PRKCB: variants seen among roughly 807,000 people sequenced by gnomAD.
PRKCB encodes protein kinase C beta.
In PRKCB, 13 loss-of-function variants were observed where a neutral mutation model predicts 81.5. The ratio of observed to expected loss-of-function variants is 0.16; its 90% confidence interval spans 0.10 to 0.25. The LOEUF (loss-of-function observed/expected upper bound fraction) is 0.25, where lower values mean the gene tolerates loss of function less well. PRKCB is among the 10% of genes least tolerant of loss of function. PRKCB has a pLI of 1.00. For missense variants in PRKCB, 509 were observed against 875.7 expected, an observed-to-expected ratio of 0.58 and a Z score of 5.29; for synonymous variants, 335 against 321.4, an observed-to-expected ratio of 1.04 and a Z score of -0.45.
intron 2 of PRKCB, among the ~76,000 whole-genome samples, chr16:23,928,722 G>T (rs1390646962): frequency 1.3e-5 from 2 of 151,164 alleles, no homozygotes; most frequent in African/African-American, 4.9e-5. Context: ...TGTTTTGTTT[G>T]TTTTTTTTGT....
intron 10 of PRKCB, among the ~76,000 whole-genome samples, chr16:24,169,426 G>A (rs1187807733): frequency 2.0e-5 from 3 of 152,156 alleles, no homozygotes; most frequent in East Asian, 1.9e-4. Flanking sequence ...GTTAGCCTAC[G>A]TGACCTTACA....
Position 24,096,666 on chromosome 16 carries a change from A to AATATAT in PRKCB, c.821+2404_821+2409dup, listed in dbSNP as rs58341820. Among the ~76,000 whole-genome samples, 183 of 32,384 alleles carry AATATAT rather than the reference A, an allele frequency of 5.7e-3. 1 individual carries two copies. Among genetic ancestry groups the AATATAT allele is most frequent in the East Asian group, 6.9e-3 (6 of 864 alleles). The allele number at this position is 32,384 out of a possible 152,430, so 21.2% of individuals were successfully genotyped here. ...CCTTCCTATGGCAAAAAAAAAAAAA[A>AATATAT]ATATATATATATATATATATATATA... On this transcript the variant is annotated intron_variant, in intron 7 of 16. Transcript: ENST00000643927.
chr16:23,982,501 G>A (rs140933234), intron 2 of PRKCB, among the ~76,000 whole-genome samples: 99 of 151,626 alleles, frequency 6.5e-4, no homozygotes, highest in Admixed American at 1.7e-3. Context: ...GCTCACTACA[G>A]CCTTGATTTC....
chr16:23,855,604 A>C (rs888692849), intron 2 of PRKCB, among the ~76,000 whole-genome samples: 3 of 152,232 alleles, frequency 2.0e-5, no homozygotes, highest in African/African-American at 7.2e-5. Context: ...ATCATTGATA[A>C]ATTGTCTTAA....
At chr16:24,058,801 G>T (rs924992630) in intron 5 of PRKCB, among the ~76,000 whole-genome samples, 1 of 152,174 alleles carries the variant, frequency 6.6e-6, no homozygotes, top group Non-Finnish European at 1.5e-5. Context: ...AGGTGGTAAT[G>T]ACCTGATCTA....
chr16:23,950,850 C>G (rs73540908), intron 2 of PRKCB, among the ~76,000 whole-genome samples: 2,152 of 152,304 alleles, frequency 0.014, 49 homozygotes, highest in African/African-American at 0.049. Context: ...ATAAGCCTTT[C>G]TTTTCTCAGG....
At chr16:24,080,962 A>T (rs987479037) in intron 5 of PRKCB, among the ~76,000 whole-genome samples, 12 of 152,208 alleles carry the variant, frequency 7.9e-5, no homozygotes, top group African/African-American at 2.9e-4. Flanking sequence ...GGCTAGCATT[A>T]CCCTCATACC....
chr16:24,154,253 C>T (rs552794271), intron 9 of PRKCB, among the ~76,000 whole-genome samples: 1 of 152,278 alleles, frequency 6.6e-6, no homozygotes, highest in Admixed American at 6.5e-5. Flanking sequence ...GAAGCCAGGG[C>T]AGGTGGATTG....
chr16:24,089,493 G>T (rs1045614460), intron 5 of PRKCB, among the ~76,000 whole-genome samples: 1 of 152,182 alleles, frequency 6.6e-6, no homozygotes, highest in Non-Finnish European at 1.5e-5. Flanking sequence ...AACAGGCAAG[G>T]CATGGTGGCT....
chr16:23,886,695 G>C (rs1323306133), intron 2 of PRKCB, among the ~76,000 whole-genome samples: 4 of 152,266 alleles, frequency 2.6e-5, no homozygotes, highest in South Asian at 4.1e-4. Context: ...TTACAGGCGT[G>C]AGCCACCGTG....
chr16:24,219,835 A>G lies in PRKCB; in HGVS notation c.*5019A>G. ...AGTGCGTGGAGTGCAGCTGCTAAAA[A>G]TTTTCAGCACAGGGCTCTTTCTGAC... On this transcript the variant is annotated 3_prime_UTR_variant, in exon 17 of 17. Transcript: ENST00000643927. 1 of 1,427,902 alleles carries G rather than the reference A, an allele frequency of 7.0e-7. No individual in the cohort carries two copies. Among genetic ancestry groups the G allele is most frequent in the Non-Finnish European group, 9.2e-7 (1 of 1,089,150 alleles). 88.5% of individuals were successfully genotyped at this position (1,427,902 alleles called of 1,614,324 possible). A position where few individuals can be genotyped will look rare whatever the true frequency, so the allele number is the denominator to read the frequency against.
rs941576024 is a variant in PRKCB at position 23,882,877 on chromosome 16, T to C, written c.205+45471T>C. ...TGCTGAGATTACAGGTGTGAACTAC[T>C]GCACCTGGCTGAGACTCCACTTCCA... is the stretch of plus-strand genomic sequence containing the variant. On this transcript the variant is annotated intron_variant, in intron 2 of 16. Coordinates refer to ENST00000643927, the MANE Select transcript of PRKCB (RefSeq NM_002738.7). 2.6e-5 allele frequency among the ~76,000 whole-genome samples: 4 copies of C among 151,912 alleles called. No homozygotes were observed. In the East Asian group the frequency reaches 7.7e-4, roughly 29 times the overall value.
At chr16:24,072,809 T>G (rs544488078) in intron 5 of PRKCB, among the ~76,000 whole-genome samples, 53 of 152,278 alleles carry the variant, frequency 3.5e-4, no homozygotes, top group Admixed American at 3.0e-3. Context: ...ATCGACCTCC[T>G]GACCTGAGGT....
At chr16:23,882,531 C>G (rs550817958) in intron 2 of PRKCB, among the ~76,000 whole-genome samples, 1 of 152,130 alleles carries the variant, frequency 6.6e-6, no homozygotes, top group Non-Finnish European at 1.5e-5. Context: ...AGCCATTGCT[C>G]CTGGGATGAC....
chr16:24,096,676 T>TATATATATATAG (rs1966448468), intron 7 of PRKCB, among the ~76,000 whole-genome samples: 1 of 18,820 alleles, frequency 5.3e-5, no homozygotes, highest in South Asian at 1.4e-3. Context: ...AATATATATA[T>TATATATATATAG]ATATATATAT....
intron 9 of PRKCB, among the ~76,000 whole-genome samples, chr16:24,143,005 CT>C (rs1966925618): frequency 6.6e-6 from 1 of 152,148 alleles, no homozygotes; most frequent in African/African-American, 2.4e-5. Flanking sequence ...CTGTAACTTG[CT>C]TGTCTGTCCC....
At chr16:23,894,249 G>C (rs951793360) in intron 2 of PRKCB, among the ~76,000 whole-genome samples, 1 of 152,178 alleles carries the variant, frequency 6.6e-6, no homozygotes, top group African/African-American at 2.4e-5. Flanking sequence ...CAAAGCATGT[G>C]ACATGGCCAA....
At chr16:23,932,084 A>C (rs1963986642) in intron 2 of PRKCB, among the ~76,000 whole-genome samples, 1 of 152,252 alleles carries the variant, frequency 6.6e-6, no homozygotes, top group African/African-American at 2.4e-5. Context: ...AATATGTAGG[A>C]AATTCTACAT....
chr16:24,001,981 G>A (rs1049558604), intron 3 of PRKCB, among the ~76,000 whole-genome samples: 1 of 152,136 alleles, frequency 6.6e-6, no homozygotes, highest in Non-Finnish European at 1.5e-5. Flanking sequence ...ATTTTGCTCT[G>A]TAACAAACCA....
Sources: gnomAD v4.1 joint callset for allele counts (sites outside exome capture counted in the v4.1 genomes callset) on GRCh38, gnomAD v4.1.1 for gene constraint, MANE v1.5 for transcripts, NCBI Gene and HGNC (gene_info 2026-07-23, HGNC 2026-07-21) for gene names.